Variants in CACNA1H observed in about 807,000 individuals in gnomAD.
CACNA1H encodes the protein voltage-dependent T-type calcium channel subunit alpha-1H.
Under a neutral mutation model 192.5 loss-of-function variants are expected in CACNA1H, and 149 were observed. That is an observed-to-expected ratio of 0.77 (90% CI 0.68 to 0.89). The LOEUF is 0.89. Ranked by LOEUF, CACNA1H falls within the 40% of genes least tolerant of loss-of-function variation. The pLI, the probability that CACNA1H is intolerant of heterozygous loss-of-function variation, is 0.00. For missense variants in CACNA1H, 4,257 were observed against 3,423.5 expected (o/e 1.24, Z -6.08); for synonymous variants, 2,202 against 1,475.2 (o/e 1.49, Z -11.29).
intron 2 of CACNA1H, among the ~76,000 whole-genome samples, chr16:1,171,913 C>T (rs910884770): frequency 5.9e-5 from 9 of 152,258 alleles, no homozygotes; most frequent in Admixed American, 2.6e-4. Context: ...GGAGCAGTGT[C>T]CACGGGTGGG....
intron 2 of CACNA1H, among the ~76,000 whole-genome samples, chr16:1,166,392 G>C (rs1298559613): frequency 6.6e-6 from 1 of 152,212 alleles, no homozygotes; most frequent in African/African-American, 2.4e-5. Flanking sequence ...GCCCTGCAGA[G>C]GAGGCCGCGC....
At position 1,219,634 on chromosome 16, in the gene CACNA1H, G is replaced by A. The variant is rs148121784; in HGVS notation, c.6049-347G>A. ...CTGCCCAGTACAAGACGCCTGTACC[G>A]CACAGGAGCAGTTAGGAGAGCCCCA... On this transcript the variant is annotated intron_variant, in intron 34 of 34. Transcript: ENST00000348261. 5.1e-3 allele frequency among the ~76,000 whole-genome samples: 776 copies of A among 152,336 alleles called. 4 individuals are homozygous for A. The highest frequency in any genetic ancestry group is 0.017 in the African/African-American group (722 of 41,578).
intron 2 of CACNA1H, among the ~76,000 whole-genome samples, chr16:1,182,518 C>G (rs1163321230): frequency 2.0e-5 from 3 of 152,248 alleles, no homozygotes; most frequent in East Asian, 3.9e-4. Context: ...GACAAACACT[C>G]CATGTTTGGC....
At chr16:1,217,884 G>A in intron 31 of CACNA1H, 35 bp from the exon 32 acceptor site, 1 of 1,569,824 alleles carries the variant, frequency 6.4e-7, no homozygotes, top group East Asian at 2.4e-5. Context: ...CCCGGAGCGG[G>A]CTCGGCTGAC....
At chr16:1,166,313 A>G (rs1412795001) in intron 2 of CACNA1H, among the ~76,000 whole-genome samples, 1 of 151,946 alleles carries the variant, frequency 6.6e-6, no homozygotes, top group Non-Finnish European at 1.5e-5. Context: ...TGTGGCTCAG[A>G]CCCTGCTCAG....
intron 2 of CACNA1H, among the ~76,000 whole-genome samples, chr16:1,181,223 C>T (rs967848107): frequency 6.6e-6 from 1 of 152,252 alleles, no homozygotes; most frequent in African/African-American, 2.4e-5. Flanking sequence ...CCGCAGCACC[C>T]TCATATGGGG....
rs776307816 is a variant in CACNA1H at position 1,209,145 on chromosome 16, G to A, written c.3477G>A (p.Gln1159=). ...CCCCCAGCCTCAAGCGCCGCGGCCA[G>A]TGTGGGGAACGTGAGTCCCTGCTGT... ...GRAPSLKRRG[Q]CGERESLLSG... The change falls in exon 17 of 35, where the codon CAG becomes CAA. Residue 1159 remains glutamine (Q), a synonymous_variant. Coordinates refer to ENST00000348261, the MANE Select transcript of CACNA1H (RefSeq NM_021098.3). The A allele has an allele frequency of 1.9e-6, 3 of 1,553,838 alleles. No individual in the cohort carries two copies. The highest frequency in any genetic ancestry group is 1.4e-5 in the African/African-American group (1 of 73,298).
At chr16:1,170,545 G>T (rs1964266912) in intron 2 of CACNA1H, among the ~76,000 whole-genome samples, 1 of 152,236 alleles carries the variant, frequency 6.6e-6, no homozygotes, top group Non-Finnish European at 1.5e-5. Flanking sequence ...AAGCCCAGTG[G>T]CCGTCAGCCT....
chr16:1,153,592 G>T (rs1293984760), intron 1 of CACNA1H, 122 bp downstream of exon 1: 5 of 466,522 alleles, frequency 1.1e-5, no homozygotes, highest in Non-Finnish European at 1.6e-5. Context: ...GGGGCGGGGG[G>T]CGCGTTTGTC....
chr16:1,182,116 T>G (rs1965539127), intron 2 of CACNA1H, among the ~76,000 whole-genome samples: 1 of 152,126 alleles, frequency 6.6e-6, no homozygotes, highest in Non-Finnish European at 1.5e-5. Context: ...CCCCGGGCTG[T>G]GGCAGGGGCA....
At chr16:1,189,488 C>T (rs374766024) in intron 2 of CACNA1H, among the ~76,000 whole-genome samples, 3 of 137,336 alleles carry the variant, frequency 2.2e-5, no homozygotes, top group African/African-American at 7.9e-5. Flanking sequence ...ACGATCGTGG[C>T]TCACTGTAGC....
chr16:1,219,947 C>T, intron 34 of CACNA1H, 34 bp from the exon 35 acceptor site: 1 of 1,271,040 alleles, frequency 7.9e-7, no homozygotes, highest in Non-Finnish European at 1.0e-6. Context: ...TCTCCCAGGG[C>T]CCCGCCCCTC....
At position 1,210,854 on chromosome 16, in the gene CACNA1H, G is replaced by A. The variant is rs372465607; in HGVS notation, c.4106G>A (p.Gly1369Glu). The A allele has an allele frequency of 1.9e-6, 3 of 1,605,394 alleles. No homozygotes were observed. The highest frequency in any genetic ancestry group is 2.5e-6 in the Non-Finnish European group (3 of 1,179,752). Residue 1369 changes from glycine to glutamate, a missense_variant, in exon 21 of 35, where the codon GGG becomes GAG. Gly to Glu is a moderately conservative substitution (Grantham distance 98). Transcript: ENST00000348261. ...CAGAGCAGCTGGAACCTGCTGGATG[G>A]GCTGCTGGTGCTGGTGTCCCTGGTG... ...YLQSSWNLLD[G>E]LLVLVSLVDI...
rs1381647135 is a variant in CACNA1H, at chr16:1,211,877, CG to C, written c.4567-63del. 19 of 1,609,576 alleles carry C rather than the reference CG, an allele frequency of 1.2e-5. No homozygotes were observed. In the African/African-American group the frequency reaches 1.6e-4, roughly 14 times the overall value. On this transcript the variant is annotated intron_variant, in intron 24 of 34. Transcript: ENST00000348261. ...GCGGCTGCCTTGGCCTCTGGGGACTCGGGGGGCCATCCTGGGTAGGGCCCCT... is the reference window on the plus strand; with the variant it reads ...GCGGCTGCCTTGGCCTCTGGGGACTCGGGGGCCATCCTGGGTAGGGCCCCT...
At chr16:1,178,086 C>A (rs1965086639) in intron 2 of CACNA1H, among the ~76,000 whole-genome samples, 2 of 112,662 alleles carry the variant, frequency 1.8e-5, no homozygotes, top group Non-Finnish European at 3.7e-5. Flanking sequence ...CTCTCCTGCC[C>A]CCTCTCCCTG....
chr16:1,192,936 C>T (rs1259399094), intron 2 of CACNA1H, among the ~76,000 whole-genome samples: 2 of 152,052 alleles, frequency 1.3e-5, no homozygotes, highest in Non-Finnish European at 2.9e-5. Flanking sequence ...AAAGGCGGTC[C>T]GAGGCACCCA....
intron 24 of CACNA1H, 67 bp from the exon 25 acceptor site, chr16:1,211,879 G>T: frequency 1.2e-6 from 2 of 1,609,360 alleles, no homozygotes; most frequent in East Asian, 2.2e-5. Context: ...TGGGGACTCG[G>T]GGGGCCATCC....
At chr16:1,212,874 C>T (rs749128799) in intron 26 of CACNA1H, among the ~76,000 whole-genome samples, 11 of 152,210 alleles carry the variant, frequency 7.2e-5, no homozygotes, top group Non-Finnish European at 1.3e-4. Flanking sequence ...GCCCGGGCTG[C>T]GCTGAGTGCT....
chr16:1,220,149 A>C lies in CACNA1H; in HGVS notation c.6217A>C (p.Thr2073Pro). Residue 2073 changes from threonine to proline, a missense_variant, in exon 35 of 35, where the codon ACC (threonine) becomes CCC (proline). Physicochemically the swap from Thr to Pro is conservative, Grantham distance 38. Transcript: ENST00000348261. ...RPASVRTRKH[T>P]FGQRCVSSRP... ...CGCCAGCGTCCGCACTCGTAAGCAT[A>C]CCTTCGGACAGCGCTGCGTCTCCAG... The C allele has an allele frequency of 6.6e-7, 1 of 1,508,498 alleles. No homozygotes were observed. 93.4% of individuals were successfully genotyped at this position (1,508,498 alleles called of 1,614,324 possible).
Sources: gnomAD v4.1 joint callset for allele counts (sites outside exome capture counted in the v4.1 genomes callset) on GRCh38, gnomAD v4.1.1 for gene constraint, MANE v1.5 for transcripts, NCBI Gene and HGNC (gene_info 2026-07-23, HGNC 2026-07-21) for gene names.